The following XIRP2 variants were observed in gnomAD, a reference collection of about 807,000 sequenced individuals.
XIRP2 encodes xin actin-binding repeat-containing protein 2.
XIRP2 carries 236 observed loss-of-function variants against 277.0 expected under a neutral mutation model. That is an observed-to-expected ratio of 0.85 (90% CI 0.77 to 0.95). The LOEUF is 0.95. XIRP2 is among the 40% of genes least tolerant of loss of function. The pLI, the probability that XIRP2 is intolerant of heterozygous loss-of-function variation, is 0.00. For synonymous variants in XIRP2, 1,490 were observed against 1,416.5 expected, an observed-to-expected ratio of 1.05 and a Z score of -1.17; for missense variants, 4,640 against 4,157.5, an observed-to-expected ratio of 1.12 and a Z score of -3.19.
chr2:167,251,638 A>G lies in XIRP2; in HGVS notation c.10246A>G (p.Ser3416Gly). ...GATCTGCTCTGAAACCAGGTCTCTAAGTGAACATTTCTCAGGCATGGATGC... is the reference window on the plus strand; with the variant it reads ...GATCTGCTCTGAAACCAGGTCTCTAGGTGAACATTTCTCAGGCATGGATGC... ...PRICSETRSL[S>G]EHFSGMDAFE... The change falls in exon 9 of 11, where the codon AGT (serine) becomes GGT (glycine). Residue 3416 changes from serine to glycine, a missense_variant. Ser to Gly is a moderately conservative substitution (Grantham distance 56, BLOSUM62 0). Coordinates refer to ENST00000409195, the MANE Select transcript of XIRP2 (RefSeq NM_152381.6). 1.2e-6 allele frequency: 2 copies of G among 1,613,508 alleles called. No individual in the cohort carries two copies. The highest frequency in any genetic ancestry group is 1.7e-5 in the Admixed American group (1 of 59,958).
intron 2 of XIRP2, among the ~76,000 whole-genome samples, chr2:167,095,774 C>T (rs1690291877): frequency 7.1e-6 from 1 of 140,978 alleles, no homozygotes; most frequent in African/African-American, 2.6e-5. Context: ...CTGAAATTTC[C>T]TTTTTTGTTG....
intron 2 of XIRP2, among the ~76,000 whole-genome samples, chr2:167,082,778 T>G (rs1479347123): frequency 2.0e-5 from 3 of 152,196 alleles, no homozygotes; most frequent in Non-Finnish European, 4.4e-5. Flanking sequence ...TCACCCACTT[T>G]TTGATGGGGT....
chr2:167,034,904 G>C lies in XIRP2; in HGVS notation c.409-101005G>C, dbSNP rs143141678. On this transcript the variant is annotated intron_variant, in intron 2 of 10. Coordinates refer to ENST00000409195, the MANE Select transcript of XIRP2 (RefSeq NM_152381.6). ...CACATGTTGCGGGAGGGCCCCAGGT[G>C]GGGGAAATTCAATCATAGGAGCCAG... Among the ~76,000 whole-genome samples, 1,467 of 152,240 alleles carry C rather than the reference G, an allele frequency of 9.6e-3. 24 individuals are homozygous for C. The highest frequency in any genetic ancestry group is 0.033 in the African/African-American group (1,378 of 41,554).
At chr2:167,070,513 T>G (rs1221723375) in intron 2 of XIRP2, among the ~76,000 whole-genome samples, 1 of 152,188 alleles carries the variant, frequency 6.6e-6, no homozygotes, top group East Asian at 1.9e-4. Context: ...ATTGAAATCT[T>G]TATTTTTCAT....
chr2:166,904,275 T>G (rs934021389), intron 2 of XIRP2, among the ~76,000 whole-genome samples: 9 of 152,150 alleles, frequency 5.9e-5, no homozygotes, highest in Non-Finnish European at 8.8e-5. Flanking sequence ...GATTTATCAG[T>G]AATGATGCTG....
At chr2:167,065,889 C>A (rs1281298062) in intron 2 of XIRP2, among the ~76,000 whole-genome samples, 1 of 151,876 alleles carries the variant, frequency 6.6e-6, no homozygotes, top group East Asian at 1.9e-4. Flanking sequence ...TTATTGACAC[C>A]TCTCCATTAC....
intron 2 of XIRP2, among the ~76,000 whole-genome samples, chr2:167,059,450 A>AAAAAT (rs56983000): frequency 0.17 from 24,387 of 140,224 alleles, 2,508 homozygotes; most frequent in African/African-American, 0.25. Context: ...ACATGTGGAA[A>AAAAAT]AAAATAAAAT....
chr2:166,935,647 T>G (rs764560263), intron 2 of XIRP2, among the ~76,000 whole-genome samples: 10 of 152,090 alleles, frequency 6.6e-5, no homozygotes, highest in Non-Finnish European at 1.0e-4. Context: ...CCACCTATGA[T>G]TGAGAACATA....
intron 2 of XIRP2, among the ~76,000 whole-genome samples, chr2:167,133,294 C>T (rs1574284017): frequency 6.6e-6 from 1 of 152,324 alleles, no homozygotes; most frequent in East Asian, 1.9e-4. Flanking sequence ...GGAGACAGCT[C>T]AATTCAGCCT....
At chr2:167,164,868 G>C (rs1230690631) in intron 3 of XIRP2, among the ~76,000 whole-genome samples, 1 of 152,104 alleles carries the variant, frequency 6.6e-6, no homozygotes, top group Non-Finnish European at 1.5e-5. Context: ...TATGTCCGTA[G>C]ATACTGTTTG....
chr2:167,022,572 T>C (rs1688014418), intron 2 of XIRP2, among the ~76,000 whole-genome samples: 1 of 152,058 alleles, frequency 6.6e-6, no homozygotes, highest in South Asian at 2.1e-4. Flanking sequence ...TAGCATTAGG[T>C]ATATCTCCTA....
At chr2:167,131,699 C>G (rs183650561) in intron 2 of XIRP2, among the ~76,000 whole-genome samples, 1 of 152,264 alleles carries the variant, frequency 6.6e-6, no homozygotes, top group East Asian at 1.9e-4. Context: ...TGGTTCTGGA[C>G]TCACTCTCCA....
rs1337149935 is a variant in XIRP2 at position 167,186,264 on chromosome 2, CTTAGAG to C, written c.563-24467_563-24462del. 1.2e-4 allele frequency among the ~76,000 whole-genome samples: 19 copies of C among 152,200 alleles called. No homozygotes were observed. The East Asian group carries it at 3.7e-3, about 29-fold the overall frequency. ...TAGAACACTATCTCAGAAAGTTGTT[CTTAGAG>C]TTAATATGCTGGAATATCACTCCTT... is the stretch of plus-strand genomic sequence containing the variant. On this transcript the variant is annotated intron_variant, in intron 3 of 10. Transcript: ENST00000409195.
intron 2 of XIRP2, among the ~76,000 whole-genome samples, chr2:167,037,054 C>T (rs1574192601): frequency 6.6e-6 from 1 of 152,156 alleles, no homozygotes; most frequent in East Asian, 1.9e-4. Flanking sequence ...TCAGGTATGT[C>T]TTTATCAGAA....
At chr2:166,999,131 T>C (rs1297889985) in intron 2 of XIRP2, among the ~76,000 whole-genome samples, 3 of 152,080 alleles carry the variant, frequency 2.0e-5, no homozygotes. Context: ...TACATAAAAA[T>C]ATTTGCTTAG....
chr2:167,026,783 C>T (rs1351578144), intron 2 of XIRP2, among the ~76,000 whole-genome samples: 1 of 151,858 alleles, frequency 6.6e-6, no homozygotes, highest in Non-Finnish European at 1.5e-5. Context: ...AATGTTGGCC[C>T]CCACTCTCTT....
chr2:166,891,713 C>T (rs1002519808), intron 1 of XIRP2, among the ~76,000 whole-genome samples: 1 of 151,916 alleles, frequency 6.6e-6, no homozygotes, highest in African/African-American at 2.4e-5. Flanking sequence ...GTCTGATAAT[C>T]TTTCTTAATC....
chr2:167,214,086 GAAAGAAA>G (rs1694146364), intron 4 of XIRP2, among the ~76,000 whole-genome samples: 2 of 89,210 alleles, frequency 2.2e-5, no homozygotes, highest in African/African-American at 1.2e-4. Flanking sequence ...AAGGAAGGAA[GAAAGAAA>G]GAAGGAAGGA....
At chr2:167,144,347 C>A (rs1691806026) in intron 3 of XIRP2, among the ~76,000 whole-genome samples, 1 of 151,968 alleles carries the variant, frequency 6.6e-6, no homozygotes, top group Admixed American at 6.6e-5. Context: ...TTACAACTTC[C>A]TAACTGATGA....
Sources: gnomAD v4.1 joint callset for allele counts (sites outside exome capture counted in the v4.1 genomes callset) on GRCh38, gnomAD v4.1.1 for gene constraint, MANE v1.5 for transcripts, NCBI Gene and HGNC (gene_info 2026-07-23, HGNC 2026-07-21) for gene names.